SGCZ: variants seen among roughly 807,000 people sequenced by gnomAD.
SGCZ encodes the protein sarcoglycan zeta, also known as zeta-sarcoglycan.
A neutral mutation model predicts 41.3 loss-of-function variants in SGCZ; 40 were observed. The observed-to-expected ratio is 0.97, with a 90% confidence interval of 0.75 to 1.26. The LOEUF is 1.26. Among genes scored for constraint, SGCZ ranks in the 50% most tolerant of loss-of-function variants. The pLI is 0.00. For synonymous variants in SGCZ, 206 were observed against 137.5 expected (o/e 1.50, Z -3.49); for missense variants, 552 against 369.8 (o/e 1.49, Z -4.04).
At chr8:14,716,109 G>C (rs1809681397) in intron 1 of SGCZ, among the ~76,000 whole-genome samples, 1 of 151,916 alleles carries the variant, frequency 6.6e-6, no homozygotes, top group Non-Finnish European at 1.5e-5. Context: ...GTGGAACCTA[G>C]AAATTAATTA....
intron 2 of SGCZ, among the ~76,000 whole-genome samples, chr8:14,348,916 A>T (rs1802988909): frequency 6.6e-6 from 1 of 152,152 alleles, no homozygotes; most frequent in Admixed American, 6.6e-5. Context: ...TCTACGCAGC[A>T]ATGGAAAGTA....
At chr8:14,126,508 G>A (rs1201281152) in intron 5 of SGCZ, among the ~76,000 whole-genome samples, 3 of 152,192 alleles carry the variant, frequency 2.0e-5, no homozygotes, top group South Asian at 4.1e-4. Flanking sequence ...GAGCAGCTGT[G>A]GAGAAATAGG....
At chr8:14,448,235 G>A (rs906914878) in intron 2 of SGCZ, among the ~76,000 whole-genome samples, 8 of 152,272 alleles carry the variant, frequency 5.3e-5, no homozygotes, top group African/African-American at 1.9e-4. Flanking sequence ...ACCAAGTACA[G>A]CTTGTACGTG....
intron 1 of SGCZ, among the ~76,000 whole-genome samples, chr8:15,111,268 C>T (rs1024380241): frequency 1.3e-5 from 2 of 152,136 alleles, no homozygotes; most frequent in Admixed American, 1.3e-4. Flanking sequence ...CCCCCATTTC[C>T]ACGGCTGGGT....
At chr8:15,107,543 T>C (rs1461304081) in intron 1 of SGCZ, among the ~76,000 whole-genome samples, 1 of 152,148 alleles carries the variant, frequency 6.6e-6, no homozygotes, top group East Asian at 1.9e-4. Flanking sequence ...CCTTCTACTT[T>C]TTACCATGAC....
chr8:14,644,145 T>G (rs1807122712), intron 1 of SGCZ, among the ~76,000 whole-genome samples: 1 of 151,792 alleles, frequency 6.6e-6, no homozygotes, highest in South Asian at 2.1e-4. Flanking sequence ...TCCACTTGGC[T>G]AGGCTATGGT....
In SGCZ at chr8:15,080,345, C is replaced by G. The variant is rs79988760; in HGVS notation, c.39+157240G>C. Among the ~76,000 whole-genome samples the G allele has an allele frequency of 2.0e-5, 3 of 152,092 alleles. No homozygotes were observed. In the East Asian group the frequency reaches 5.8e-4, roughly 30 times the overall value. On this transcript the variant is annotated intron_variant, in intron 1 of 7. Coordinates refer to ENST00000382080, the MANE Select transcript of SGCZ (RefSeq NM_139167.4). Reference sequence around the variant, plus strand: ...ACTCTGTGGGTCAATCTGACCTAACCTACATGCACTCAGCGTCAAAGGAAG... The same window carrying G: ...ACTCTGTGGGTCAATCTGACCTAACGTACATGCACTCAGCGTCAAAGGAAG...
chr8:14,537,920 G>T (rs1047484875), intron 2 of SGCZ, among the ~76,000 whole-genome samples: 26 of 151,772 alleles, frequency 1.7e-4, no homozygotes, highest in African/African-American at 6.0e-4. Flanking sequence ...CTATCTCCAG[G>T]TACAACTCTT....
chr8:15,127,811 TC>T (rs1210608876), intron 1 of SGCZ, among the ~76,000 whole-genome samples: 1 of 152,152 alleles, frequency 6.6e-6, no homozygotes, highest in Non-Finnish European at 1.5e-5. Flanking sequence ...GAAAAGAAAT[TC>T]CAAAGGAGAG....
At chr8:15,195,936 C>G (rs1282290516) in intron 1 of SGCZ, among the ~76,000 whole-genome samples, 1 of 111,252 alleles carries the variant, frequency 9.0e-6, no homozygotes, top group African/African-American at 3.5e-5. Flanking sequence ...CTCGCTCTGT[C>G]GCCCAGGCTG....
chr8:14,531,937 G>T (rs185227565), intron 2 of SGCZ, among the ~76,000 whole-genome samples: 5 of 152,102 alleles, frequency 3.3e-5, no homozygotes, highest in African/African-American at 1.2e-4. Context: ...TAATTTAATA[G>T]GATATCACAA....
intron 2 of SGCZ, among the ~76,000 whole-genome samples, chr8:14,457,723 C>A (rs542406240): frequency 6.6e-6 from 1 of 152,318 alleles, no homozygotes; most frequent in South Asian, 2.1e-4. Flanking sequence ...CTCTCTGCCT[C>A]GGCTGCCAGG....
intron 1 of SGCZ, among the ~76,000 whole-genome samples, chr8:15,219,596 A>G (rs995725755): frequency 3.3e-5 from 5 of 152,204 alleles, no homozygotes; most frequent in African/African-American, 1.2e-4. Flanking sequence ...TATCCCATTA[A>G]TTTTATTATT....
intron 1 of SGCZ, among the ~76,000 whole-genome samples, chr8:14,651,644 A>G (rs991107905): frequency 3.3e-5 from 5 of 151,996 alleles, no homozygotes; most frequent in Admixed American, 3.3e-4. Context: ...CACATGGACA[A>G]TTTTTATGCA....
At chr8:14,175,994 G>T (rs986788341) in intron 4 of SGCZ, among the ~76,000 whole-genome samples, 5 of 152,016 alleles carry the variant, frequency 3.3e-5, no homozygotes, top group African/African-American at 9.7e-5. Flanking sequence ...TAGAATCACC[G>T]TGAATCTATT....
chr8:14,576,425 T>C lies in SGCZ; in HGVS notation c.40-21499A>G, dbSNP rs142412921. 6.0e-3 allele frequency among the ~76,000 whole-genome samples: 912 copies of C among 152,290 alleles called. 11 individuals are homozygous for C. Among genetic ancestry groups the C allele is most frequent in the African/African-American group, 0.021 (866 of 41,554 alleles). On this transcript the variant is annotated intron_variant, in intron 1 of 7. Coordinates refer to ENST00000382080, the MANE Select transcript of SGCZ (RefSeq NM_139167.4). ...AGGTTCTGAATAACAAGAGGAGCCA[T>C]ATAGTATAATGAAGTAATATGTAGT... is the stretch of plus-strand genomic sequence containing the variant.
intron 1 of SGCZ, among the ~76,000 whole-genome samples, chr8:15,114,941 C>T (rs1359112473): frequency 6.6e-6 from 1 of 151,920 alleles, no homozygotes; most frequent in Admixed American, 6.6e-5. Flanking sequence ...TTGTTAAAGA[C>T]AAGCATATGG....
chr8:14,826,045 G>C lies in SGCZ; in HGVS notation c.40-271119C>G, dbSNP rs1209142225. Among the ~76,000 whole-genome samples the C allele has an allele frequency of 2.6e-5, 4 of 151,386 alleles. No homozygotes were observed. In the East Asian group the frequency reaches 5.8e-4, roughly 22 times the overall value. On this transcript the variant is annotated intron_variant, in intron 1 of 7. Coordinates refer to ENST00000382080, the MANE Select transcript of SGCZ (RefSeq NM_139167.4). ...GTTGGTGTGCTGCACCCATTAACTA[G>C]TCATTTAGCATTAGGCATATCTCCT...
At chr8:15,042,323 C>A (rs1436707835) in intron 1 of SGCZ, among the ~76,000 whole-genome samples, 1 of 152,154 alleles carries the variant, frequency 6.6e-6, no homozygotes, top group Non-Finnish European at 1.5e-5. Flanking sequence ...GGCTCCACAG[C>A]CTCTGTGTCA....
Sources: allele counts gnomAD v4.1 joint callset (sites outside exome capture counted in the v4.1 genomes callset), GRCh38; gene constraint gnomAD v4.1.1; transcripts MANE v1.5; gene names NCBI Gene and HGNC (gene_info 2026-07-23, HGNC 2026-07-21).